Variants in GFOD2 observed in about 807,000 individuals in gnomAD.
The protein encoded by GFOD2 is Gfo/Idh/MocA-like oxidoreductase domain containing 2.
A neutral mutation model predicts 24.6 loss-of-function variants in GFOD2; 9 were observed. The observed-to-expected ratio is 0.37, with a 90% CI of 0.22 to 0.64. GFOD2 has a LOEUF of 0.64. Ranked by LOEUF, GFOD2 falls within the 30% of genes least tolerant of loss-of-function variation. The pLI is 0.65. For missense variants in GFOD2, 476 were observed against 532.5 expected, an observed-to-expected ratio of 0.89 and a Z score of 1.04; for synonymous variants, 211 against 224.8, an observed-to-expected ratio of 0.94 and a Z score of 0.55.
chr16:67,698,212 C>T (rs971403122), intron 1 of GFOD2, among the ~76,000 whole-genome samples: 2 of 152,192 alleles, frequency 1.3e-5, no homozygotes, highest in African/African-American at 4.8e-5. Context: ...AAGGTCACAG[C>T]TCCTTTAGAG....
intron 1 of GFOD2, among the ~76,000 whole-genome samples, chr16:67,710,773 G>T (rs989828527): frequency 1.3e-5 from 2 of 152,126 alleles, no homozygotes; most frequent in African/African-American, 4.8e-5. Context: ...CACTGACATT[G>T]TGAGTCATTT....
At chr16:67,701,270 G>A (rs2053400711) in intron 1 of GFOD2, among the ~76,000 whole-genome samples, 1 of 152,124 alleles carries the variant, frequency 6.6e-6, no homozygotes, top group African/African-American at 2.4e-5. Context: ...CTTACCAAGA[G>A]AAATGAAAAC....
chr16:67,685,538 T>C lies in GFOD2; in HGVS notation c.178A>G (p.Ile60Val), dbSNP rs1053396108. 2 of 1,614,176 alleles carry C rather than the reference T, an allele frequency of 1.2e-6. No individual in the cohort carries two copies. The highest frequency in any genetic ancestry group is 1.7e-6 in the Non-Finnish European group (2 of 1,180,036). Reference protein sequence around the residue: ...IAFYTSRTDDILLHQDVDLVC... With the variant: ...IAFYTSRTDDVLLHQDVDLVC... ...AGATCCACATCTTGATGCAGCAAGA[T>C]GTCATCAGTCCGGCTGGTGTAGAAG... Residue 60 changes from isoleucine (I) to valine (V), a missense_variant, in exon 2 of 3, where the codon ATC (isoleucine) becomes GTC (valine). By Grantham distance (29) the Ile-to-Val change is conservative. Coordinates refer to ENST00000268797, the MANE Select transcript of GFOD2 (RefSeq NM_030819.4).
intron 1 of GFOD2, among the ~76,000 whole-genome samples, chr16:67,711,404 C>T (rs547240349): frequency 3.3e-5 from 5 of 152,294 alleles, no homozygotes; most frequent in African/African-American, 9.6e-5. Flanking sequence ...GACCACTTCT[C>T]GGTTCCTTCT....
chr16:67,704,782 A>G (rs1316024493), intron 1 of GFOD2, among the ~76,000 whole-genome samples: 1 of 152,174 alleles, frequency 6.6e-6, no homozygotes, highest in Non-Finnish European at 1.5e-5. Context: ...AAATCCACAC[A>G]CCTTGCAGTG....
intron 2 of GFOD2, chr16:67,682,951 C>T (rs1312031898): frequency 6.1e-6 from 3 of 488,316 alleles, no homozygotes; most frequent in Non-Finnish European, 8.0e-6. Flanking sequence ...GGAGTGGGGC[C>T]TGAGAATTTA....
intron 1 of GFOD2, among the ~76,000 whole-genome samples, chr16:67,706,736 T>A (rs1404509328): frequency 6.6e-6 from 1 of 151,976 alleles, no homozygotes; most frequent in Non-Finnish European, 1.5e-5. Context: ...AAATACATCA[T>A]TAAAAAAATG....
chr16:67,697,228 T>C (rs2053365348), intron 1 of GFOD2, among the ~76,000 whole-genome samples: 1 of 152,202 alleles, frequency 6.6e-6, no homozygotes, highest in Admixed American at 6.5e-5. Flanking sequence ...CATTTCCTCA[T>C]CTGTAAAATG....
intron 2 of GFOD2, among the ~76,000 whole-genome samples, chr16:67,678,476 CAAAA>C (rs144320358): frequency 2.7e-5 from 2 of 74,948 alleles, no homozygotes; most frequent in Admixed American, 1.5e-4. Flanking sequence ...AACTCTGTCT[CAAAA>C]AAAAAAAAAA....
In GFOD2 at chr16:67,682,725, G is replaced by C. The variant is rs918234122; in HGVS notation, c.259+2732C>G. 14 of 985,220 alleles carry C rather than the reference G, an allele frequency of 1.4e-5. No individual in the cohort carries two copies. In the African/African-American group the frequency reaches 2.3e-4, roughly 16 times the overall value. The allele number at this position is 985,220 out of a possible 1,614,324, so 61.0% of individuals were successfully genotyped here. ...GGCAAGAAATGATCTCGTGGCCTTA[G>C]AAGTAAGGTAAAAATATAAAGCTCT... is the stretch of plus-strand genomic sequence containing the variant. On this transcript the variant is annotated intron_variant, in intron 2 of 2. Transcript: ENST00000268797.
intron 1 of GFOD2, among the ~76,000 whole-genome samples, chr16:67,716,125 C>T (rs771775348): frequency 6.6e-6 from 1 of 152,246 alleles, no homozygotes; most frequent in Non-Finnish European, 1.5e-5. Context: ...TGAACACCGA[C>T]CTCTGCATTT....
Position 67,674,711 on chromosome 16 carries a change from C to T in GFOD2, c.*444G>A, listed in dbSNP as rs2053169795. On this transcript the variant is annotated 3_prime_UTR_variant, in exon 3 of 3. Coordinates refer to ENST00000268797, the MANE Select transcript of GFOD2 (RefSeq NM_030819.4). ...TCACATGGGAGGGCAGGTGAGGGTCCCTGAGGGACAGCTTGTTGCCCTCAC... is the reference window on the plus strand; with the variant it reads ...TCACATGGGAGGGCAGGTGAGGGTCTCTGAGGGACAGCTTGTTGCCCTCAC... The T allele has an allele frequency of 6.2e-6, 1 of 160,240 alleles. No homozygotes were observed. Among genetic ancestry groups the T allele is most frequent in the African/African-American group, 2.4e-5 (1 of 41,602 alleles). 9.9% of individuals were successfully genotyped at this position (160,240 alleles called of 1,614,324 possible).
chr16:67,717,753 T>G (rs542629363), intron 1 of GFOD2, among the ~76,000 whole-genome samples: 3 of 151,240 alleles, frequency 2.0e-5, no homozygotes, highest in Admixed American at 1.3e-4. Context: ...ATCGCACCAC[T>G]GCACTCCAGT....
At chr16:67,680,998 G>A (rs142647774) in intron 2 of GFOD2, 124 of 985,398 alleles carry the variant, frequency 1.3e-4, no homozygotes, top group African/African-American at 5.9e-4. Flanking sequence ...CACGGGGCCC[G>A]GCAGGGAGAG....
chr16:67,683,263 G>C, intron 2 of GFOD2: 1 of 1,140,822 alleles, frequency 8.8e-7, no homozygotes, highest in Non-Finnish European at 1.1e-6. Context: ...TGTTGCCAAA[G>C]AACCCTGGGG....
intron 1 of GFOD2, among the ~76,000 whole-genome samples, chr16:67,696,338 G>C (rs536395871): frequency 4.8e-5 from 7 of 147,312 alleles, no homozygotes; most frequent in South Asian, 2.2e-4. Context: ...TTTTTTAAAT[G>C]ATCTATTACG....
At chr16:67,683,711 C>T (rs2053244827) in intron 2 of GFOD2, 2 of 1,229,974 alleles carry the variant, frequency 1.6e-6, no homozygotes, top group East Asian at 3.2e-5. Flanking sequence ...GTGACAGACA[C>T]CTTCCTATGA....
At chr16:67,690,234 T>G (rs1424886871) in intron 1 of GFOD2, among the ~76,000 whole-genome samples, 1 of 152,218 alleles carries the variant, frequency 6.6e-6, no homozygotes, top group Non-Finnish European at 1.5e-5. Context: ...TTTAATTTTC[T>G]GAGGAACCAC....
intron 1 of GFOD2, among the ~76,000 whole-genome samples, chr16:67,692,180 C>A (rs2053318985): frequency 1.4e-5 from 2 of 139,160 alleles, no homozygotes; most frequent in Non-Finnish European, 3.1e-5. Context: ...GGGTTCTCTG[C>A]AAGTTAGAAA....
Sources: gnomAD v4.1 joint callset for allele counts (sites outside exome capture counted in the v4.1 genomes callset) on GRCh38, gnomAD v4.1.1 for gene constraint, MANE v1.5 for transcripts, NCBI Gene and HGNC (gene_info 2026-07-23, HGNC 2026-07-21) for gene names.